Variants in ANKRA2 observed in about 807,000 individuals in gnomAD.
ANKRA2 encodes ankyrin repeat family A protein 2.
A neutral mutation model predicts 37.8 loss-of-function variants in ANKRA2; 33 were observed. The ratio of observed to expected loss-of-function variants is 0.87; its 90% CI spans 0.66 to 1.17. The LOEUF (loss-of-function observed/expected upper bound fraction) is 1.17, where lower values mean the gene tolerates loss of function less well. Among genes scored for constraint, ANKRA2 ranks in the 50% most tolerant of loss-of-function variants. The pLI is 0.00. For missense variants in ANKRA2, 326 were observed against 373.7 expected, an observed-to-expected ratio of 0.87 and a Z score of 1.05; for synonymous variants, 126 against 132.3, an observed-to-expected ratio of 0.95 and a Z score of 0.33.
chr5:73,560,513 A>G (rs1747518577), intron 3 of ANKRA2, among the ~76,000 whole-genome samples: 1 of 152,014 alleles, frequency 6.6e-6, no homozygotes, highest in Non-Finnish European at 1.5e-5. Flanking sequence ...GGCATGCACC[A>G]CCACGCCTGG....
chr5:73,554,429 C>T, intron 6 of ANKRA2, 41 bp from the exon 7 acceptor site: 1 of 1,377,170 alleles, frequency 7.3e-7, no homozygotes, highest in Non-Finnish European at 1.0e-6. Context: ...TCACGGTGAG[C>T]AAGACTCAAG....
chr5:73,564,852 CA>C (rs893211393), intron 1 of ANKRA2, among the ~76,000 whole-genome samples: 1 of 149,548 alleles, frequency 6.7e-6, no homozygotes, highest in Non-Finnish European at 1.5e-5. Context: ...ATTGGTAGGC[CA>C]AAATTTTGAA....
intron 3 of ANKRA2, among the ~76,000 whole-genome samples, 159 bp downstream of exon 3, chr5:73,560,971 G>T (rs922383497): frequency 1.2e-4 from 19 of 152,210 alleles, no homozygotes; most frequent in Non-Finnish European, 2.8e-4. Context: ...CCAAGTGACA[G>T]AATTTCCTTC....
intron 6 of ANKRA2, 170 bp from the exon 7 acceptor site, chr5:73,554,558 CT>C (rs1747347157): frequency 1.7e-6 from 1 of 573,022 alleles, no homozygotes; most frequent in East Asian, 3.0e-5. Context: ...ATGATATTAA[CT>C]TTTTCTTCTA....
intron 8 of ANKRA2, 141 bp from the exon 9 acceptor site, chr5:73,552,993 T>C: frequency 3.2e-6 from 2 of 623,414 alleles, no homozygotes; most frequent in South Asian, 2.3e-5. Flanking sequence ...AGGGCAATAA[T>C]ACAATGCAAT....
chr5:73,555,320 T>C (rs924954618), intron 5 of ANKRA2, 168 bp downstream of exon 5: 4 of 1,266,586 alleles, frequency 3.2e-6, no homozygotes, highest in African/African-American at 3.0e-5. Context: ...GCATGTATGA[T>C]TAGTCTTGCC....
intron 4 of ANKRA2, among the ~76,000 whole-genome samples, chr5:73,556,015 T>G (rs1042518881): frequency 5.9e-5 from 9 of 152,190 alleles, no homozygotes; most frequent in Non-Finnish European, 4.4e-5. Flanking sequence ...AAAAGTGAGA[T>G]TATATGATAG....
In ANKRA2 at chr5:73,562,742, C is replaced by T. The variant is rs766685687; in HGVS notation, c.140G>A (p.Gly47Asp). ...DPNSEEGSAQGVAMGMKFILP... is the reference protein window; with the variant it reads ...DPNSEEGSAQDVAMGMKFILP... The stretch of plus-strand genomic sequence containing the variant: ...TATGAATTTCATTCCCATGGCAACA[C>T]CCTGAGCTGACCCTTCTTCTGAATT... The change falls in exon 2 of 9, where the codon GGT becomes GAT. Residue 47 changes from glycine to aspartate, a missense_variant. Coordinates refer to ENST00000296785, the MANE Select transcript of ANKRA2 (RefSeq NM_023039.5). 4 of 1,614,172 alleles carry T rather than the reference C, an allele frequency of 2.5e-6. No individual in the cohort carries two copies. In the Admixed American group the frequency reaches 5.0e-5, roughly 20 times the overall value.
intron 7 of ANKRA2, 118 bp from the exon 8 acceptor site, chr5:73,553,604 G>C (rs1747308494): frequency 1.2e-6 from 1 of 825,494 alleles, no homozygotes; most frequent in Admixed American, 2.2e-5. Context: ...TTTTAGGATA[G>C]TCTGACAAAG....
At chr5:73,554,459 G>T in intron 6 of ANKRA2, 71 bp from the exon 7 acceptor site, 1 of 1,031,262 alleles carries the variant, frequency 9.7e-7, no homozygotes, top group South Asian at 1.4e-5. Flanking sequence ...GCTGCTGTAA[G>T]AAGTTTTACT....
intron 3 of ANKRA2, among the ~76,000 whole-genome samples, chr5:73,558,112 T>C (rs1561269830): frequency 1.3e-5 from 2 of 152,172 alleles, no homozygotes; most frequent in Non-Finnish European, 2.9e-5. Context: ...ATCTGAGAAT[T>C]GATTCATATT....
chr5:73,556,172 A>G (rs1004437283), intron 4 of ANKRA2, among the ~76,000 whole-genome samples: 3 of 152,206 alleles, frequency 2.0e-5, no homozygotes, highest in Non-Finnish European at 4.4e-5. Flanking sequence ...TATAATGTGA[A>G]TGAATAGTCT....
rs1416517259 is a variant in ANKRA2, at chr5:73,552,676, T to A, written c.*121A>T. On this transcript the variant is annotated 3_prime_UTR_variant, in exon 9 of 9. Coordinates refer to ENST00000296785, the MANE Select transcript of ANKRA2 (RefSeq NM_023039.5). ...AGTGAATTACTCAGAGAAATATTTATTAAAACCTACTAAAAACCAGTAAAT... is the reference window on the plus strand; with the variant it reads ...AGTGAATTACTCAGAGAAATATTTAATAAAACCTACTAAAAACCAGTAAAT... 1.5e-5 allele frequency: 12 copies of A among 826,306 alleles called. No individual in the cohort carries two copies. The East Asian group carries it at 3.2e-4, about 22-fold the overall frequency. The allele number at this position is 826,306 out of a possible 1,614,324, so 51.2% of individuals were successfully genotyped here.
chr5:73,561,248 T>G lies in ANKRA2; in HGVS notation c.330A>C (p.Gln110His). The G allele has an allele frequency of 6.2e-7, 1 of 1,613,478 alleles. No homozygotes were observed. Among genetic ancestry groups the G allele is most frequent in the Non-Finnish European group, 8.5e-7 (1 of 1,179,572 alleles). Residue 110 changes from glutamine (Q) to histidine (H), a missense_variant, in exon 3 of 9, where the codon CAA (glutamine) becomes CAC (histidine). Coordinates refer to ENST00000296785, the MANE Select transcript of ANKRA2 (RefSeq NM_023039.5). The part of the protein sequence containing the change: ...NIHTSPSPGI[Q>H]VRHVYTPSTT... ...TAGAGGGGGTGTAGACATGCCTTAC[T>G]TGAATTCCCGGAGAAGGAGATGTAT...
In ANKRA2 at chr5:73,554,386, A is replaced by C. The variant is rs750457418; in HGVS notation, c.741T>G (p.Asn247Lys). ...CAGCATAAAGCAGAGGTGTTCCTCC[A>C]TTCTGCAAAATGAAAAGGTGATTCA... Reference protein sequence around the residue: ...CGVDVNEYDWNGGTPLLYAVH... With the variant: ...CGVDVNEYDWKGGTPLLYAVH... The change falls in exon 7 of 9, where the codon AAT becomes AAG. Residue 247 changes from asparagine to lysine, a missense_variant and splice_region_variant. Physicochemically the swap from Asn to Lys is moderately conservative, Grantham distance 94. Around this residue, in one of 3 missense-constraint regions of ANKRA2, gnomAD observed 228 missense variants for 260.2 expected, o/e 0.88. Coordinates refer to ENST00000296785, the MANE Select transcript of ANKRA2 (RefSeq NM_023039.5). The C allele has an allele frequency of 6.2e-7, 1 of 1,611,008 alleles. No homozygotes were observed. Among genetic ancestry groups the C allele is most frequent in the South Asian group, 1.1e-5 (1 of 90,832 alleles).
At chr5:73,561,352 A>G in intron 2 of ANKRA2, 64 bp from the exon 3 acceptor site, 1 of 1,462,142 alleles carries the variant, frequency 6.8e-7, no homozygotes, top group South Asian at 1.2e-5. Flanking sequence ...GTCAATGTCT[A>G]CATTTGAAAA....
intron 2 of ANKRA2, among the ~76,000 whole-genome samples, chr5:73,561,825 C>T (rs1047769807): frequency 1.3e-5 from 2 of 151,932 alleles, no homozygotes; most frequent in African/African-American, 4.8e-5. Flanking sequence ...ATATATTAAT[C>T]TTGGGTGATG....
chr5:73,555,915 T>A (rs1269649034), intron 4 of ANKRA2, among the ~76,000 whole-genome samples: 2 of 152,216 alleles, frequency 1.3e-5, no homozygotes, highest in African/African-American at 4.8e-5. Context: ...TCTGTCACTT[T>A]CCAGCCATGT....
intron 1 of ANKRA2, among the ~76,000 whole-genome samples, chr5:73,564,308 T>C (rs535139083): frequency 1.3e-5 from 2 of 152,314 alleles, no homozygotes; most frequent in African/African-American, 2.4e-5. Context: ...TATCCAGCGG[T>C]TGGCTAAGTG....
Sources: allele counts gnomAD v4.1 joint callset (sites outside exome capture counted in the v4.1 genomes callset), GRCh38; gene constraint gnomAD v4.1.1; regional missense constraint gnomAD v4.1.1; transcripts MANE v1.5; gene names NCBI Gene and HGNC (gene_info 2026-07-23, HGNC 2026-07-21).